RBMS3: variants seen among roughly 807,000 people sequenced by gnomAD.
The protein encoded by RBMS3 is RNA binding motif single stranded interacting protein 3.
A neutral mutation model predicts 66.8 loss-of-function variants in RBMS3; 27 were observed. That is an observed-to-expected ratio of 0.40 (90% CI 0.30 to 0.56). The LOEUF (loss-of-function observed/expected upper bound fraction) is 0.56, where lower values mean the gene tolerates loss of function less well. Ranked by LOEUF, RBMS3 falls within the 20% of genes least tolerant of loss-of-function variation. The probability of loss-of-function intolerance (pLI) is 0.40; values close to 1 mark genes in which losing one functional copy is unlikely to be tolerated. For synonymous variants in RBMS3, 188 were observed against 183.0 expected (o/e 1.03, Z -0.22); for missense variants, 513 against 549.5 (o/e 0.93, Z 0.66).
intron 3 of RBMS3, among the ~76,000 whole-genome samples, chr3:29,550,874 C>G (rs933269978): frequency 2.0e-5 from 3 of 152,190 alleles, no homozygotes; most frequent in Admixed American, 2.0e-4. Context: ...ATCACTTCTG[C>G]TCACAGTCCT....
chr3:29,466,686 A>G (rs1217749143), intron 2 of RBMS3, among the ~76,000 whole-genome samples: 1 of 152,186 alleles, frequency 6.6e-6, no homozygotes, highest in Non-Finnish European at 1.5e-5. Flanking sequence ...TACTTAAGGA[A>G]GCAGGAGGCT....
At chr3:29,375,337 C>T (rs2038411427) in intron 1 of RBMS3, among the ~76,000 whole-genome samples, 1 of 152,080 alleles carries the variant, frequency 6.6e-6, no homozygotes, top group South Asian at 2.1e-4. Context: ...GCAATTGTGA[C>T]AAAAGCAAAA....
chr3:29,827,149 G>C (rs1345592979), intron 6 of RBMS3, among the ~76,000 whole-genome samples: 1 of 152,090 alleles, frequency 6.6e-6, no homozygotes, highest in Non-Finnish European at 1.5e-5. Flanking sequence ...GGTCATGGGG[G>C]CTAGAACCTA....
At chr3:29,936,296 A>G (rs2061264190) in intron 11 of RBMS3, 100 bp downstream of exon 11, 10 of 1,093,596 alleles carry the variant, frequency 9.1e-6, no homozygotes, top group Non-Finnish European at 1.3e-5. Flanking sequence ...TCTGTACCAT[A>G]TTCGTTGACT....
chr3:29,284,497 TAAAAC>T (rs1269524136), intron 1 of RBMS3, among the ~76,000 whole-genome samples: 1 of 152,148 alleles, frequency 6.6e-6, no homozygotes, highest in African/African-American at 2.4e-5. Flanking sequence ...TTTTTAATGA[TAAAAC>T]AAAATGAAAA....
chr3:29,966,157 C>T (rs991552450), intron 12 of RBMS3, among the ~76,000 whole-genome samples: 2 of 151,858 alleles, frequency 1.3e-5, no homozygotes, highest in South Asian at 2.1e-4. Context: ...TCAGGTGGTG[C>T]GATACCTCCA....
At chr3:29,415,222 CTG>C (rs1327184831) in intron 1 of RBMS3, among the ~76,000 whole-genome samples, 1 of 152,140 alleles carries the variant, frequency 6.6e-6, no homozygotes, top group African/African-American at 2.4e-5. Flanking sequence ...AACAAGCAAA[CTG>C]TAGATACCGG....
At chr3:29,915,322 G>A (rs150787986) in intron 10 of RBMS3, among the ~76,000 whole-genome samples, 375 of 151,998 alleles carry the variant, frequency 2.5e-3, no homozygotes, top group African/African-American at 8.1e-3. Context: ...AGAAGTATGA[G>A]CTCAGAGTGA....
chr3:29,724,881 A>T (rs1160490730), intron 4 of RBMS3, among the ~76,000 whole-genome samples: 1 of 152,196 alleles, frequency 6.6e-6, no homozygotes, highest in Non-Finnish European at 1.5e-5. Flanking sequence ...GTTGTGTAAC[A>T]TCCACTAGTC....
At chr3:29,377,595 A>G (rs897962450) in intron 1 of RBMS3, among the ~76,000 whole-genome samples, 2 of 152,128 alleles carry the variant, frequency 1.3e-5, no homozygotes, top group African/African-American at 2.4e-5. Context: ...TTTATCTCTA[A>G]CCAAGAGAGG....
At chr3:29,834,941 A>AAGAT (rs1324375109) in intron 6 of RBMS3, among the ~76,000 whole-genome samples, 1 of 152,012 alleles carries the variant, frequency 6.6e-6, no homozygotes, top group Admixed American at 6.6e-5. Flanking sequence ...GGGGTGGAAA[A>AAGAT]AGATAGTCCA....
intron 4 of RBMS3, among the ~76,000 whole-genome samples, chr3:29,618,942 AG>A (rs1559513219): frequency 6.6e-6 from 1 of 152,076 alleles, no homozygotes; most frequent in Non-Finnish European, 1.5e-5. Flanking sequence ...CCCAAACAAA[AG>A]TAGGTAGGGA....
At chr3:29,327,076 A>T (rs982772616) in intron 1 of RBMS3, among the ~76,000 whole-genome samples, 4 of 152,136 alleles carry the variant, frequency 2.6e-5, no homozygotes, top group African/African-American at 9.7e-5. Flanking sequence ...AATCCTTTTT[A>T]AAAAAGGTAG....
intron 6 of RBMS3, among the ~76,000 whole-genome samples, chr3:29,789,472 T>C (rs2056931259): frequency 2.0e-5 from 3 of 152,240 alleles, no homozygotes; most frequent in South Asian, 2.1e-4. Context: ...TGTTCTACTA[T>C]TGAATAATAC....
intron 6 of RBMS3, among the ~76,000 whole-genome samples, chr3:29,834,611 T>G (rs1462873125): frequency 6.6e-6 from 1 of 151,960 alleles, no homozygotes; most frequent in Non-Finnish European, 1.5e-5. Flanking sequence ...AAGGTAATCA[T>G]GAAGCAAACT....
intron 4 of RBMS3, among the ~76,000 whole-genome samples, chr3:29,629,919 C>G (rs139615510): frequency 2.0e-5 from 3 of 152,170 alleles, no homozygotes; most frequent in African/African-American, 7.2e-5. Flanking sequence ...GTTATCATTA[C>G]TGATGTTAAT....
intron 12 of RBMS3, among the ~76,000 whole-genome samples, chr3:29,964,075 G>A (rs922498239): frequency 1.3e-5 from 2 of 152,066 alleles, no homozygotes; most frequent in Admixed American, 6.6e-5. Flanking sequence ...TGGATTAAAA[G>A]GAATCCACCA....
chr3:29,820,178 G>T (rs1162070923), intron 6 of RBMS3, among the ~76,000 whole-genome samples: 1 of 81,186 alleles, frequency 1.2e-5, no homozygotes, highest in African/African-American at 5.1e-5. Context: ...AACAGAGTGA[G>T]ACTTCTTCTC....
At chr3:29,831,864 C>T (rs550736833) in intron 6 of RBMS3, among the ~76,000 whole-genome samples, 2 of 126,354 alleles carry the variant, frequency 1.6e-5, no homozygotes, top group South Asian at 4.5e-4. Flanking sequence ...TAGACATTTA[C>T]CTTAAATAAA....
Sources: allele counts gnomAD v4.1 joint callset (sites outside exome capture counted in the v4.1 genomes callset), GRCh38; gene constraint gnomAD v4.1.1; transcripts MANE v1.5; gene names NCBI Gene and HGNC (gene_info 2026-07-23, HGNC 2026-07-21).